Variants in GMEB2 observed in about 807,000 individuals in gnomAD.
GMEB2 encodes glucocorticoid modulatory element binding protein 2, also known as glucocorticoid modulatory element-binding protein 2.
Under a neutral mutation model 45.7 loss-of-function variants are expected in GMEB2, and 7 were observed. The observed-to-expected ratio is 0.15, with a 90% CI of 0.09 to 0.29. GMEB2 has a LOEUF of 0.29. Ranked by LOEUF, GMEB2 falls within the 10% of genes least tolerant of loss-of-function variation. GMEB2 has a pLI of 1.00. For synonymous variants in GMEB2, 322 were observed against 323.6 expected, an observed-to-expected ratio of 1.00 and a Z score of 0.05; for missense variants, 582 against 739.2, an observed-to-expected ratio of 0.79 and a Z score of 2.47.
At chr20:63,626,594 TGGGTCGCGTCCCTGC>T (rs1185729187) in intron 1 of GMEB2, among the ~76,000 whole-genome samples, 2 of 101,036 alleles carry the variant, frequency 2.0e-5, no homozygotes, top group African/African-American at 3.9e-5. Flanking sequence ...GTGGTCCCTG[TGGGTCGCGTCCCTGC>T]GGGTCGGGTG....
intron 2 of GMEB2, among the ~76,000 whole-genome samples, chr20:63,610,187 T>A (rs1372069753): frequency 6.6e-6 from 1 of 152,224 alleles, no homozygotes; most frequent in Non-Finnish European, 1.5e-5. Context: ...GCCAACTGTA[T>A]GATGTGTGCA....
In GMEB2 at chr20:63,619,213, G is replaced by C; in HGVS notation, c.131+54C>G. ...CTACGTTAATGCCAGCTGTGCCAAG[G>C]ACAGCCCAACCCAAGCCCCCATCAG... On this transcript the variant is annotated intron_variant, in intron 2 of 9. Coordinates refer to ENST00000370077, the MANE Select transcript of GMEB2 (RefSeq NM_012384.5). This position sits in a 1 kb window ranked among gnomAD's most constrained non-coding sequence, Gnocchi z 4.6. 2 of 1,495,506 alleles carry C rather than the reference G, an allele frequency of 1.3e-6. No homozygotes were observed. The highest frequency in any genetic ancestry group is 1.8e-6 in the Non-Finnish European group (2 of 1,120,990). 92.6% of individuals were successfully genotyped at this position (1,495,506 alleles called of 1,614,324 possible). A position where few individuals can be genotyped will look rare whatever the true frequency, so the allele number is the denominator to read the frequency against.
At chr20:63,603,260 C>G (rs558991090) in intron 3 of GMEB2, among the ~76,000 whole-genome samples, 168 bp from the exon 4 acceptor site, 5 of 152,130 alleles carry the variant, frequency 3.3e-5, no homozygotes, top group African/African-American at 4.8e-5. Context: ...CCCATCAGTG[C>G]CATTAGAGTT....
At chr20:63,612,504 C>T (rs529913210) in intron 2 of GMEB2, among the ~76,000 whole-genome samples, 1 of 152,312 alleles carries the variant, frequency 6.6e-6, no homozygotes, top group South Asian at 2.1e-4. Context: ...AGGCGGGAGG[C>T]GGACGAATGG....
Position 63,590,527 on chromosome 20 carries a change from G to C in GMEB2, c.1155C>G (p.Gly385=). ...VLTQSAQLAL[G]PGVPVPQLTS... ...TCAGCTGGGGGACGGGCACGCCCGG[G>C]CCAAGCGCCAGCTGGGCAGACTGGG... The change falls in exon 10 of 10, where the codon GGC becomes GGG. Residue 385 remains glycine, a synonymous_variant. Transcript: ENST00000370077. 6.6e-7 allele frequency: 1 copy of C among 1,520,366 alleles called. No individual in the cohort carries two copies. Among genetic ancestry groups the C allele is most frequent in the African/African-American group, 1.4e-5 (1 of 73,042 alleles). 94.2% of individuals were successfully genotyped at this position (1,520,366 alleles called of 1,614,324 possible). A position where few individuals can be genotyped will look rare whatever the true frequency, so the allele number is the denominator to read the frequency against.
At chr20:63,624,158 T>C (rs1343507667) in intron 1 of GMEB2, among the ~76,000 whole-genome samples, 1 of 149,104 alleles carries the variant, frequency 6.7e-6, no homozygotes, top group African/African-American at 2.5e-5. Context: ...GGCTCACGCC[T>C]GTAATCCCAT....
At chr20:63,624,674 T>A (rs1333452793) in intron 1 of GMEB2, among the ~76,000 whole-genome samples, 1 of 152,200 alleles carries the variant, frequency 6.6e-6, no homozygotes, top group Admixed American at 6.5e-5. Flanking sequence ...CGCACAAAAC[T>A]GAATTCCAGC....
At chr20:63,610,359 A>C (rs990060337) in intron 2 of GMEB2, among the ~76,000 whole-genome samples, 1 of 152,134 alleles carries the variant, frequency 6.6e-6, no homozygotes, top group Non-Finnish European at 1.5e-5. Flanking sequence ...GTCTCTACTA[A>C]AAATACAAAA....
chr20:63,600,232 A>G (rs1434818917), intron 4 of GMEB2, among the ~76,000 whole-genome samples: 1 of 151,454 alleles, frequency 6.6e-6, no homozygotes, highest in Non-Finnish European at 1.5e-5. Context: ...TGTCGCAGAG[A>G]TGGGGTTTCA....
At chr20:63,625,644 C>T (rs2089666020) in intron 1 of GMEB2, among the ~76,000 whole-genome samples, 1 of 151,940 alleles carries the variant, frequency 6.6e-6, no homozygotes, top group South Asian at 2.1e-4. Context: ...GTCACCCAGG[C>T]TGGAGTGCAA....
chr20:63,606,461 C>A (rs553334067), intron 2 of GMEB2, among the ~76,000 whole-genome samples: 1 of 151,820 alleles, frequency 6.6e-6, no homozygotes, highest in South Asian at 2.1e-4. Context: ...CATTCTCCTG[C>A]CTCAGCCTCC....
chr20:63,625,598 T>TA (rs1181470023), intron 1 of GMEB2, among the ~76,000 whole-genome samples: 1 of 150,840 alleles, frequency 6.6e-6, no homozygotes, highest in Non-Finnish European at 1.5e-5. Context: ...AAATATTTTA[T>TA]TTTACTTTTT....
chr20:63,626,593 G>A (rs374657949), intron 1 of GMEB2, among the ~76,000 whole-genome samples: 69 of 141,524 alleles, frequency 4.9e-4, no homozygotes, highest in African/African-American at 4.7e-4. Flanking sequence ...GGTGGTCCCT[G>A]TGGGTCGCGT....
chr20:63,610,216 TTTGC>T (rs2089558450), intron 2 of GMEB2, among the ~76,000 whole-genome samples: 1 of 152,100 alleles, frequency 6.6e-6, no homozygotes, highest in Non-Finnish European at 1.5e-5. Context: ...CTTCCAGAAG[TTTGC>T]TTAAAAACAC....
Position 63,597,843 on chromosome 20 carries a change from G to A in GMEB2, c.375C>T (p.Ile125=). The part of the protein sequence containing the change: ...VKCVQYDEHV[I]SPKEFVHLAG... Reference sequence around the variant, plus strand: ...CCAGGTGCACAAATTCCTTTGGGCTGATTACATGCTCGTCGTACTGTGGGG... The same window carrying A: ...CCAGGTGCACAAATTCCTTTGGGCTAATTACATGCTCGTCGTACTGTGGGG... The change falls in exon 5 of 10, where the codon ATC becomes ATT. Residue 125 remains isoleucine, a synonymous_variant. Transcript: ENST00000370077. 1 of 1,602,306 alleles carries A rather than the reference G, an allele frequency of 6.2e-7. No individual in the cohort carries two copies. Among genetic ancestry groups the A allele is most frequent in the Non-Finnish European group, 8.6e-7 (1 of 1,169,236 alleles).
At chr20:63,622,604 TCTA>T (rs1243077281) in intron 1 of GMEB2, among the ~76,000 whole-genome samples, 1 of 152,140 alleles carries the variant, frequency 6.6e-6, no homozygotes, top group Non-Finnish European at 1.5e-5. Flanking sequence ...ACCAGGGGGC[TCTA>T]CTTCTTCCTA....
At chr20:63,626,195 A>G (rs6089941) in intron 1 of GMEB2, among the ~76,000 whole-genome samples, 121,185 of 150,448 alleles carry the variant, frequency 0.81, 50,072 homozygotes, top group Non-Finnish European at 0.92. Flanking sequence ...TGGTCCCTGC[A>G]GGTCAGGTCC....
At chr20:63,623,346 C>T (rs905051439) in intron 1 of GMEB2, among the ~76,000 whole-genome samples, 1 of 152,144 alleles carries the variant, frequency 6.6e-6, no homozygotes, top group Non-Finnish European at 1.5e-5. Flanking sequence ...TCTCTGAAGA[C>T]TGTCTTCAGA....
intron 4 of GMEB2, among the ~76,000 whole-genome samples, chr20:63,601,037 G>A (rs2083238281): frequency 6.6e-6 from 1 of 152,118 alleles, no homozygotes; most frequent in East Asian, 1.9e-4. Context: ...TGGTTTACAG[G>A]GATGCTCTGA....
Sources: gnomAD v4.1 joint callset for allele counts (sites outside exome capture counted in the v4.1 genomes callset) on GRCh38, gnomAD v4.1.1 for gene constraint, Gnocchi (gnomAD v3.1) non-coding constraint, MANE v1.5 for transcripts, NCBI Gene and HGNC (gene_info 2026-07-23, HGNC 2026-07-21) for gene names.